Variants in VAV2 observed in about 807,000 individuals in gnomAD.
The protein encoded by VAV2 is guanine nucleotide exchange factor VAV2.
A neutral mutation model predicts 132.5 loss-of-function variants in VAV2; 67 were observed. The observed-to-expected ratio is 0.51, with a 90% CI of 0.42 to 0.62. VAV2 has a LOEUF of 0.62. VAV2 is among the 20% of genes least tolerant of loss of function. The probability of loss-of-function intolerance (pLI) is 0.00; values close to 1 mark genes in which losing one functional copy is unlikely to be tolerated. For missense variants in VAV2, 938 were observed against 1,153.6 expected (o/e 0.81, Z 2.71); for synonymous variants, 492 against 443.5 (o/e 1.11, Z -1.37).
At chr9:133,798,652 AAAG>A (rs1157361718) in intron 9 of VAV2, among the ~76,000 whole-genome samples, 7 of 152,190 alleles carry the variant, frequency 4.6e-5, no homozygotes, top group Admixed American at 2.6e-4. Flanking sequence ...GGGCAGTCCC[AAAG>A]AAGAACCACA....
At chr9:133,861,483 G>C (rs767888828) in intron 2 of VAV2, 51 bp from the exon 3 acceptor site, 1 of 1,601,548 alleles carries the variant, frequency 6.2e-7, no homozygotes, top group Non-Finnish European at 8.5e-7. Flanking sequence ...AAACCAGAAA[G>C]GCATCACAGA....
At chr9:133,954,716 A>G (rs1477696611) in intron 1 of VAV2, among the ~76,000 whole-genome samples, 1 of 152,180 alleles carries the variant, frequency 6.6e-6, no homozygotes, top group Non-Finnish European at 1.5e-5. Context: ...ATGCACATAC[A>G]TGTGGGGGTG....
At chr9:133,873,202 G>A (rs1455400840) in intron 2 of VAV2, among the ~76,000 whole-genome samples, 1 of 152,140 alleles carries the variant, frequency 6.6e-6, no homozygotes, top group Non-Finnish European at 1.5e-5. Flanking sequence ...CTGGGCATGT[G>A]AGGGAAGCTG....
chr9:133,990,591 A>G (rs1461876266), intron 1 of VAV2, among the ~76,000 whole-genome samples: 2 of 152,144 alleles, frequency 1.3e-5, no homozygotes, highest in African/African-American at 4.8e-5. Context: ...TGCCCGAGCA[A>G]GTCAGCCTGG....
intron 2 of VAV2, among the ~76,000 whole-genome samples, chr9:133,917,844 C>A (rs934619134): frequency 6.6e-6 from 1 of 152,320 alleles, no homozygotes; most frequent in South Asian, 2.1e-4. Context: ...CACACCCTCC[C>A]GAGGGAGACC....
At chr9:133,975,824 G>T (rs1842485901) in intron 1 of VAV2, among the ~76,000 whole-genome samples, 1 of 152,146 alleles carries the variant, frequency 6.6e-6, no homozygotes, top group South Asian at 2.1e-4. Flanking sequence ...TTCAATATTT[G>T]TCAGGAGAGA....
chr9:133,771,887 G>T lies in VAV2; in HGVS notation c.2223+72C>A, dbSNP rs1016898462. The stretch of plus-strand genomic sequence containing the variant: ...ATCCTCACAGAAAACATGGCCACTC[G>T]CTCAGGGCCGGGAGGAAGCACCTGT... On this transcript the variant is annotated intron_variant, in intron 26 of 29. Transcript: ENST00000371850. The T allele has an allele frequency of 5.7e-6, 8 of 1,406,548 alleles. No homozygotes were observed. The East Asian group carries it at 1.6e-4, about 28-fold the overall frequency. 87.1% of individuals were successfully genotyped at this position (1,406,548 alleles called of 1,614,324 possible).
In VAV2 at chr9:133,764,106, C is replaced by T; in HGVS notation, c.2593G>A (p.Gly865Ser). The T allele has an allele frequency of 6.2e-7, 1 of 1,613,304 alleles. No individual in the cohort carries two copies. The highest frequency in any genetic ancestry group is 8.5e-7 in the Non-Finnish European group (1 of 1,179,758). ...TCTACGTACGTTGAAGGAAACCAGC[C>T]AATCTGAAAAAGATGGTAAGATCGT... ...WWKGETNGRI[G>S]WFPSTYVEEE... The change falls in exon 30 of 30, where the codon GGC (glycine) becomes AGC (serine). Residue 865 changes from glycine to serine, a missense_variant. Coordinates refer to ENST00000371850, the MANE Select transcript of VAV2 (RefSeq NM_001134398.2).
chr9:133,974,944 G>A (rs142838785), intron 1 of VAV2, among the ~76,000 whole-genome samples: 5 of 152,262 alleles, frequency 3.3e-5, no homozygotes, highest in East Asian at 1.9e-4. Flanking sequence ...CGTGGGGAGC[G>A]GGCCTCACCC....
Position 133,788,241 on chromosome 9 carries a change from G to C in VAV2, c.1407+113C>G, listed in dbSNP as rs935865225. 1.3e-3 allele frequency: 724 copies of C among 538,738 alleles called. No homozygotes were observed. Among genetic ancestry groups the C allele is most frequent in the Non-Finnish European group, 2.2e-3 (650 of 301,738 alleles). 33.4% of individuals were successfully genotyped at this position (538,738 alleles called of 1,614,324 possible). Reference sequence around the variant, plus strand: ...GGAGACGCCCACCCCAACCCACCCGGCCAGCATCAGCGGCTGACTTCGAGT... The same window carrying C: ...GGAGACGCCCACCCCAACCCACCCGCCCAGCATCAGCGGCTGACTTCGAGT... On this transcript the variant is annotated intron_variant, in intron 15 of 29. Transcript: ENST00000371850. The surrounding 1 kb of genome is among the most constrained non-coding windows in gnomAD (Gnocchi z 5.3).
chr9:133,871,792 G>A (rs756609763), intron 2 of VAV2, among the ~76,000 whole-genome samples: 11 of 152,282 alleles, frequency 7.2e-5, no homozygotes, highest in Admixed American at 3.3e-4. Flanking sequence ...ATTGCTGTGG[G>A]AGGCTGAAGC....
At chr9:133,939,622 C>A (rs189453212) in intron 1 of VAV2, among the ~76,000 whole-genome samples, 1 of 152,272 alleles carries the variant, frequency 6.6e-6, no homozygotes, top group African/African-American at 2.4e-5. Context: ...CCCAGGCGCA[C>A]CCAGCACATG....
At chr9:133,856,703 G>A (rs1457276665) in intron 3 of VAV2, among the ~76,000 whole-genome samples, 2 of 152,158 alleles carry the variant, frequency 1.3e-5, no homozygotes, top group African/African-American at 2.4e-5. Flanking sequence ...TCGAGGGGCT[G>A]GTCCCTTTCA....
In VAV2 at chr9:133,826,181, G is replaced by A. The variant is rs1835981267; in HGVS notation, c.449+8091C>T. Reference sequence around the variant, plus strand: ...TCTGGGCAGATGCTTTCGTTTCAGAGACTGGGAAACTGAGGCCCTGTGTGG... The same window carrying A: ...TCTGGGCAGATGCTTTCGTTTCAGAAACTGGGAAACTGAGGCCCTGTGTGG... On this transcript the variant is annotated intron_variant, in intron 4 of 29. Coordinates refer to ENST00000371850, the MANE Select transcript of VAV2 (RefSeq NM_001134398.2). The surrounding 1 kb of genome is among the most constrained non-coding windows in gnomAD (Gnocchi z 4.2). Among the ~76,000 whole-genome samples the A allele has an allele frequency of 6.6e-6, 1 of 152,200 alleles. No homozygotes were observed. Among genetic ancestry groups the A allele is most frequent in the Admixed American group, 6.5e-5 (1 of 15,276 alleles).
intron 2 of VAV2, among the ~76,000 whole-genome samples, chr9:133,933,541 GGATGGATGGATGGAT>G (rs1840763895): frequency 6.6e-6 from 1 of 151,014 alleles, no homozygotes; most frequent in Non-Finnish European, 1.5e-5. Flanking sequence ...ATGGATGAGT[GGATGGATGGATGGAT>G]GGTGGATGGA....
rs746444343 is a variant in VAV2 at position 133,795,701 on chromosome 9, C to T, written c.1068G>A (p.Arg356=). 6.2e-6 allele frequency: 10 copies of T among 1,614,028 alleles called. No homozygotes were observed. Among genetic ancestry groups the T allele is most frequent in the Admixed American group, 1.7e-5 (1 of 60,002 alleles). The change falls in exon 12 of 30, where the codon AGG becomes AGA. Residue 356 remains arginine, a synonymous_variant. Transcript: ENST00000371850. ...CTTCCAGTGCTTCTTTGAGCTGCTG[C>T]CTCTCAGGCCGTTCCGCAGAATGGC... The part of the protein sequence containing the change: ...LLSHSAERPE[R]QQLKEALEAM...
intron 1 of VAV2, among the ~76,000 whole-genome samples, chr9:133,940,429 T>C (rs1202900043): frequency 6.6e-6 from 1 of 152,104 alleles, no homozygotes; most frequent in Admixed American, 6.5e-5. Context: ...GACTTAGACA[T>C]AGTGCACGTC....
At chr9:133,911,510 TGTACACACCC>T (rs1839883635) in intron 2 of VAV2, among the ~76,000 whole-genome samples, 2 of 152,188 alleles carry the variant, frequency 1.3e-5, no homozygotes. Context: ...TTTTTACATA[TGTACACACCC>T]GTGACACTGT....
chr9:133,878,220 G>T (rs1334363316), intron 2 of VAV2, among the ~76,000 whole-genome samples: 1 of 152,214 alleles, frequency 6.6e-6, no homozygotes, highest in African/African-American at 2.4e-5. Flanking sequence ...TGGCAGCCAG[G>T]GGAGGCTCAG....
Sources: allele counts gnomAD v4.1 joint callset (sites outside exome capture counted in the v4.1 genomes callset), GRCh38; gene constraint gnomAD v4.1.1; non-coding constraint Gnocchi (gnomAD v3.1); transcripts MANE v1.5; gene names NCBI Gene and HGNC (gene_info 2026-07-23, HGNC 2026-07-21).